Variants in ENOX2 observed in about 807,000 individuals in gnomAD.
The protein encoded by ENOX2 is APK1 antigen.
Under a neutral mutation model 45.0 loss-of-function variants are expected in ENOX2, and 36 were observed. That is an observed-to-expected ratio of 0.80 (90% CI 0.61 to 1.06). ENOX2 has a LOEUF of 1.06. Among genes scored for constraint, ENOX2 ranks in the 50% least tolerant of loss-of-function variants. The probability of loss-of-function intolerance (pLI) is 0.00; values close to 1 mark genes in which losing one functional copy is unlikely to be tolerated. For missense variants in ENOX2, 423 were observed against 462.5 expected (o/e 0.91, Z 0.78); for synonymous variants, 174 against 152.3 (o/e 1.14, Z -1.05).
chrX:130,632,366 G>GT (rs1297911270), intron 12 of ENOX2, among the ~76,000 whole-genome samples: 1 of 38,510 alleles, frequency 2.6e-5, no homozygotes, highest in African/African-American at 8.6e-5. Context: ...GGAAGGGGCG[G>GT]GGGGGGGGGG....
At chrX:130,796,474 T>C (rs1297082450) in intron 2 of ENOX2, among the ~76,000 whole-genome samples, 1 of 112,195 alleles carries the variant, frequency 8.9e-6, no homozygotes, top group Admixed American at 9.4e-5. Context: ...ACACTTGACC[T>C]TTACTAGGTA....
intron 3 of ENOX2, among the ~76,000 whole-genome samples, chrX:130,713,294 G>A (rs1603317289): frequency 8.9e-6 from 1 of 111,857 alleles, no homozygotes; most frequent in Non-Finnish European, 1.9e-5. Flanking sequence ...GGATCTTTGA[G>A]CTGCGGCCAA....
intron 10 of ENOX2, among the ~76,000 whole-genome samples, chrX:130,648,544 T>C (rs1206749524): frequency 8.9e-6 from 1 of 112,000 alleles, no homozygotes; most frequent in African/African-American, 3.3e-5. Flanking sequence ...CTCTACATAA[T>C]GAATGGAAAG....
At chrX:130,637,643 T>C (rs1296700450) in intron 10 of ENOX2, among the ~76,000 whole-genome samples, 1 of 111,501 alleles carries the variant, frequency 9.0e-6, no homozygotes, top group African/African-American at 3.3e-5. Context: ...ATAACTAAGA[T>C]ATTTCGAGGT....
chrX:130,683,703 T>TC (rs1312095140), intron 5 of ENOX2, among the ~76,000 whole-genome samples: 2 of 110,128 alleles, frequency 1.8e-5, no homozygotes, highest in African/African-American at 6.6e-5. Context: ...CCCTTTTTTT[T>TC]CACCACTAAG....
At chrX:130,855,282 C>T (rs1314464887) in intron 2 of ENOX2, among the ~76,000 whole-genome samples, 1 of 111,557 alleles carries the variant, frequency 9.0e-6, no homozygotes. Flanking sequence ...AAATAACATA[C>T]CATTTACAAT....
chrX:130,638,556 AG>A (rs1198340565), intron 10 of ENOX2, among the ~76,000 whole-genome samples: 10 of 111,289 alleles, frequency 9.0e-5, no homozygotes, highest in African/African-American at 3.3e-4. Flanking sequence ...CTGGCATGTA[AG>A]GACCTTTAGA....
chrX:130,863,843 T>C (rs757163570), intron 2 of ENOX2, among the ~76,000 whole-genome samples: 53 of 112,089 alleles, frequency 4.7e-4, no homozygotes, highest in African/African-American at 1.7e-3. Context: ...TGTCTTCAAA[T>C]ATGCACTAAA....
intron 2 of ENOX2, among the ~76,000 whole-genome samples, chrX:130,792,802 A>T (rs1038953796): frequency 1.8e-5 from 2 of 112,402 alleles, no homozygotes; most frequent in African/African-American, 3.2e-5. Flanking sequence ...TAAAAAAACA[A>T]AAAACAAAAA....
intron 2 of ENOX2, among the ~76,000 whole-genome samples, chrX:130,856,275 G>T (rs2078306890): frequency 8.9e-6 from 1 of 112,436 alleles, no homozygotes; most frequent in Admixed American, 9.4e-5. Flanking sequence ...CTTTGCTCGT[G>T]GAATTCACTA....
intron 2 of ENOX2, among the ~76,000 whole-genome samples, chrX:130,874,655 A>G (rs1451130692): frequency 8.9e-6 from 1 of 112,484 alleles, no homozygotes; most frequent in African/African-American, 3.2e-5. Flanking sequence ...CCTATTTGTA[A>G]CATTCTATTC....
At chrX:130,895,309 T>C (rs766903078) in intron 2 of ENOX2, among the ~76,000 whole-genome samples, 4 of 111,601 alleles carry the variant, frequency 3.6e-5, no homozygotes, top group Non-Finnish European at 7.5e-5. Flanking sequence ...GTGAAGTATG[T>C]TTGAGGACCT....
chrX:130,800,085 G>T (rs762596164), intron 2 of ENOX2, among the ~76,000 whole-genome samples: 48 of 110,810 alleles, frequency 4.3e-4, no homozygotes, highest in African/African-American at 1.5e-3. Context: ...GTCTAACGCT[G>T]AAATGCTAAA....
chrX:130,651,400 C>T (rs769600098), intron 10 of ENOX2, among the ~76,000 whole-genome samples: 23 of 112,215 alleles, frequency 2.0e-4, no homozygotes, highest in South Asian at 7.6e-4. Flanking sequence ...TTTAATCTCA[C>T]GGAGTGGCCA....
intron 2 of ENOX2, among the ~76,000 whole-genome samples, chrX:130,897,324 C>A (rs188523634): frequency 1.8e-5 from 2 of 112,198 alleles, no homozygotes; most frequent in East Asian, 5.6e-4. Flanking sequence ...GTTGGCTGTT[C>A]TTGTTATGCT....
chrX:130,674,228 C>T (rs927705091), intron 6 of ENOX2, among the ~76,000 whole-genome samples: 6 of 109,787 alleles, frequency 5.5e-5, no homozygotes, highest in African/African-American at 2.0e-4. Context: ...ACTAGAAGCC[C>T]AAAGCTCACT....
At chrX:130,677,066 G>T (rs2037172568) in intron 6 of ENOX2, among the ~76,000 whole-genome samples, 1 of 111,507 alleles carries the variant, frequency 9.0e-6, no homozygotes. Flanking sequence ...TACCACCTTT[G>T]TACTTTTGCT....
chrX:130,676,451 A>G (rs1015958030), intron 6 of ENOX2, among the ~76,000 whole-genome samples: 3 of 111,699 alleles, frequency 2.7e-5, no homozygotes, highest in African/African-American at 6.5e-5. Context: ...AGTTGTTTTC[A>G]TATCACTGAT....
At chrX:130,633,481 T>C (rs763592269) in intron 12 of ENOX2, among the ~76,000 whole-genome samples, 1 of 112,668 alleles carries the variant, frequency 8.9e-6, no homozygotes, top group Admixed American at 9.4e-5. Context: ...TTTGACTCAC[T>C]GTTTTTTGGA....
Sources: gnomAD v4.1 joint callset for allele counts (sites outside exome capture counted in the v4.1 genomes callset) on GRCh38, gnomAD v4.1.1 for gene constraint, MANE v1.5 for transcripts, NCBI Gene and HGNC (gene_info 2026-07-23, HGNC 2026-07-21) for gene names.